Variants in MYLK4 observed in about 807,000 individuals in gnomAD.
MYLK4 encodes caMLCK like.
MYLK4 carries 46 observed loss-of-function variants against 48.1 expected under a neutral mutation model. The observed-to-expected ratio is 0.96, with a 90% CI of 0.75 to 1.22. The LOEUF (loss-of-function observed/expected upper bound fraction) is 1.22. MYLK4 is among the 50% of genes most tolerant of loss of function. MYLK4 has a pLI of 0.00. For synonymous variants in MYLK4, 170 were observed against 180.8 expected (o/e 0.94, Z 0.48); for missense variants, 451 against 486.1 (o/e 0.93, Z 0.68).
At position 2,675,117 on chromosome 6, in the gene MYLK4, A is replaced by T. The variant is rs1264561247; in HGVS notation, c.1049T>A (p.Ile350Lys). Reference protein sequence around the residue: ...KLLIKEKSWRISASEALKHPW... With the variant: ...KLLIKEKSWRKSASEALKHPW... ...GTGCTTGAGAGCTTCGCTTGCACTT[A>T]TTCGCCAACTAGAAGGAAATTCAGA... is the stretch of plus-strand genomic sequence containing the variant. The change falls in exon 11 of 13, where the codon ATA (isoleucine) becomes AAA (lysine). Residue 350 changes from isoleucine (I) to lysine (K), a missense_variant. By Grantham distance (102) the Ile-to-Lys change is moderately radical (BLOSUM62 -3). Transcript: ENST00000274643. 6.2e-7 allele frequency: 1 copy of T among 1,613,640 alleles called. No individual in the cohort carries two copies. Among genetic ancestry groups the T allele is most frequent in the Admixed American group, 1.7e-5 (1 of 60,002 alleles).
At chr6:2,727,614 T>C (rs951456977) in intron 2 of MYLK4, among the ~76,000 whole-genome samples, 4 of 151,934 alleles carry the variant, frequency 2.6e-5, no homozygotes, top group African/African-American at 9.7e-5. Flanking sequence ...TGGAACAGGG[T>C]TCTAAAATAA....
chr6:2,675,828 C>T (rs546624964), intron 10 of MYLK4, among the ~76,000 whole-genome samples: 2 of 152,196 alleles, frequency 1.3e-5, no homozygotes, highest in Admixed American at 6.5e-5. Context: ...TGCAATGGCT[C>T]ATGCCTGTAA....
At chr6:2,722,288 G>A (rs563498078) in intron 2 of MYLK4, among the ~76,000 whole-genome samples, 10 of 152,262 alleles carry the variant, frequency 6.6e-5, no homozygotes, top group South Asian at 2.1e-4. Flanking sequence ...TATGAGATGC[G>A]TCTTTCAAAA....
chr6:2,674,482 A>G (rs897193714), intron 11 of MYLK4, among the ~76,000 whole-genome samples: 1 of 152,272 alleles, frequency 6.6e-6, no homozygotes, highest in Admixed American at 6.5e-5. Flanking sequence ...GAAGTAATTC[A>G]TTTTATAATG....
chr6:2,679,130 G>A (rs1761199039), intron 9 of MYLK4, 150 bp downstream of exon 9: 7 of 851,682 alleles, frequency 8.2e-6, no homozygotes, highest in African/African-American at 1.7e-5. Context: ...TTCACCCACA[G>A]GAGTCAACAA....
chr6:2,726,758 G>A (rs897753222), intron 2 of MYLK4, among the ~76,000 whole-genome samples: 3 of 151,842 alleles, frequency 2.0e-5, no homozygotes, highest in African/African-American at 4.8e-5. Flanking sequence ...GATTACAGGC[G>A]CCCGCCACCA....
At chr6:2,765,559 A>AAGGCCTCCGC in the MYLK4 span, 3 of 1,381,724 alleles carry the variant, frequency 2.2e-6, no homozygotes, top group East Asian at 3.2e-5. Flanking sequence ...GAGGGCATCG[A>AAGGCCTCCGC]AGGCCTCCGC....
At chr6:2,680,353 G>T (rs897362551) in intron 7 of MYLK4, 62 bp from the exon 8 acceptor site, 1 of 1,607,624 alleles carries the variant, frequency 6.2e-7, no homozygotes, top group Non-Finnish European at 8.5e-7. Context: ...AATTGTCCTT[G>T]AACCACAACT....
At chr6:2,700,053 C>T (rs1466291594) in intron 2 of MYLK4, among the ~76,000 whole-genome samples, 1 of 152,188 alleles carries the variant, frequency 6.6e-6, no homozygotes, top group Admixed American at 6.5e-5. Flanking sequence ...CCATCTTATA[C>T]CCATTGGATG....
At chr6:2,691,097 TG>T (rs1450723767) in intron 3 of MYLK4, among the ~76,000 whole-genome samples, 1 of 152,218 alleles carries the variant, frequency 6.6e-6, no homozygotes, top group African/African-American at 2.4e-5. Flanking sequence ...CCTAAAGTGC[TG>T]GGATTACAGG....
chr6:2,752,451 T>C (rs900169846), upstream of MYLK4, among the ~76,000 whole-genome samples: 1 of 152,126 alleles, frequency 6.6e-6, no homozygotes, highest in African/African-American at 2.4e-5. Context: ...GATTCCACAG[T>C]ACATTTAGAA....
intron 6 of MYLK4, among the ~76,000 whole-genome samples, chr6:2,683,391 T>TGTGTG (rs1761397470): frequency 1.4e-3 from 178 of 126,658 alleles, no homozygotes; most frequent in African/African-American, 4.9e-3. Flanking sequence ...CCCCACCTTT[T>TGTGTG]TGTGTGTGTG....
At chr6:2,680,191 A>T (rs779275685) in intron 8 of MYLK4, 30 bp downstream of exon 8, 1 of 1,613,326 alleles carries the variant, frequency 6.2e-7, no homozygotes, top group East Asian at 2.2e-5. Flanking sequence ...CCCCAGCTCC[A>T]TTCGTACACC....
intron 2 of MYLK4, among the ~76,000 whole-genome samples, chr6:2,695,805 A>G (rs1477935664): frequency 1.3e-5 from 2 of 152,238 alleles, no homozygotes; most frequent in African/African-American, 4.8e-5. Context: ...AGTTATGCCT[A>G]GAAGTTGCTA....
At chr6:2,770,015 A>G in the MYLK4 span, 1 of 1,509,350 alleles carries the variant, frequency 6.6e-7, no homozygotes, top group Non-Finnish European at 9.0e-7. Flanking sequence ...CTGAACTCGA[A>G]AGATAAAAAT....
intron 2 of MYLK4, chr6:2,743,983 A>G (rs1175314478): frequency 2.5e-6 from 1 of 398,750 alleles, no homozygotes; most frequent in Non-Finnish European, 4.4e-6. Context: ...AAGACGAGAG[A>G]AGGCACACGC....
chr6:2,770,277 G>A, the MYLK4 span: 244 of 1,614,114 alleles, frequency 1.5e-4, 2 homozygotes, highest in South Asian at 2.0e-3. Flanking sequence ...ATTTTAATGC[G>A]AGCGATCAAC....
chr6:2,686,720 C>G (rs914278404), intron 4 of MYLK4, among the ~76,000 whole-genome samples: 2 of 152,174 alleles, frequency 1.3e-5, no homozygotes, highest in African/African-American at 4.8e-5. Context: ...GGCTGCACAC[C>G]CAGCACAGAG....
chr6:2,765,499 A>C, the MYLK4 span: 1 of 1,207,428 alleles, frequency 8.3e-7, no homozygotes, highest in Non-Finnish European at 1.0e-6. Flanking sequence ...CCGGCCCGCG[A>C]GCGTCCTGCT....
Sources: gnomAD v4.1 joint callset for allele counts (sites outside exome capture counted in the v4.1 genomes callset) on GRCh38, gnomAD v4.1.1 for gene constraint, MANE v1.5 for transcripts, NCBI Gene and HGNC (gene_info 2026-07-23, HGNC 2026-07-21) for gene names.